Variants in TBCA observed in about 807,000 individuals in gnomAD.
TBCA encodes tubulin-specific chaperone A.
TBCA carries 6 observed loss-of-function variants against 15.8 expected under a neutral mutation model. That is an observed-to-expected ratio of 0.38 (90% confidence interval 0.21 to 0.75). TBCA has a LOEUF of 0.75. TBCA is among the 30% of genes least tolerant of loss of function. The probability of loss-of-function intolerance (pLI) is 0.46; values close to 1 mark genes in which losing one functional copy is unlikely to be tolerated. For synonymous variants in TBCA, 32 were observed against 42.3 expected (o/e 0.76, Z 0.94); for missense variants, 90 against 131.2 (o/e 0.69, Z 1.53).
intron 1 of TBCA, among the ~76,000 whole-genome samples, chr5:77,716,817 C>A (rs1490309572): frequency 6.6e-6 from 1 of 152,210 alleles, no homozygotes; most frequent in African/African-American, 2.4e-5. Context: ...TACTTGACAA[C>A]AGAATCCAGT....
chr5:77,744,490 G>A (rs1319010863), intron 1 of TBCA, among the ~76,000 whole-genome samples: 2 of 149,406 alleles, frequency 1.3e-5, no homozygotes, highest in African/African-American at 5.0e-5. Context: ...CTTAACTACA[G>A]GACTTCTCTG....
intron 2 of TBCA, among the ~76,000 whole-genome samples, chr5:77,693,968 A>T: frequency 6.6e-6 from 1 of 152,222 alleles, no homozygotes. Flanking sequence ...GGCTATTTAA[A>T]ATAAACTATT....
At chr5:77,763,894 C>G (rs539548657) in intron 1 of TBCA, among the ~76,000 whole-genome samples, 24 of 152,154 alleles carry the variant, frequency 1.6e-4, no homozygotes, top group African/African-American at 5.5e-4. Flanking sequence ...GGTATATACC[C>G]AAGAAAAACC....
At position 77,776,311 on chromosome 5, in the gene TBCA, G is replaced by A. The variant is rs904789489; in HGVS notation, c.-54C>T. On this transcript the variant is annotated 5_prime_UTR_variant, in exon 1 of 4. Transcript: ENST00000380377. ...GCGGAGAGCCGGGGTAACCGTGGAG[G>A]GCGACGCGCAGAGGCTGCGGCTATT... 5.2e-6 allele frequency: 8 copies of A among 1,551,190 alleles called. No homozygotes were observed. Among genetic ancestry groups the A allele is most frequent in the Admixed American group, 3.9e-5 (2 of 51,542 alleles).
chr5:77,743,682 C>T (rs1747102513), intron 1 of TBCA, among the ~76,000 whole-genome samples: 1 of 152,164 alleles, frequency 6.6e-6, no homozygotes, highest in South Asian at 2.1e-4. Flanking sequence ...ACAAATGTAG[C>T]AATGGGTTTC....
chr5:77,754,605 T>C (rs1015309408), intron 1 of TBCA, among the ~76,000 whole-genome samples: 3 of 152,338 alleles, frequency 2.0e-5, no homozygotes, highest in East Asian at 3.9e-4. Flanking sequence ...CCTGTGAATT[T>C]TGGGTGATTA....
At chr5:77,732,029 G>C (rs1746783903) in intron 1 of TBCA, among the ~76,000 whole-genome samples, 1 of 152,070 alleles carries the variant, frequency 6.6e-6, no homozygotes, top group African/African-American at 2.4e-5. Flanking sequence ...ACATCTCTCT[G>C]GGACGTTGCT....
At chr5:77,705,721 T>G in intron 2 of TBCA, 1 of 394,316 alleles carries the variant, frequency 2.5e-6, no homozygotes, top group Non-Finnish European at 4.5e-6. Flanking sequence ...CCAGCTACTC[T>G]GGAGGCTGAG....
chr5:77,718,280 G>C (rs1746449108), intron 1 of TBCA, among the ~76,000 whole-genome samples: 1 of 152,172 alleles, frequency 6.6e-6, no homozygotes, highest in Non-Finnish European at 1.5e-5. Context: ...GTGTTGAATA[G>C]TAAAATATCA....
At chr5:77,740,413 C>T (rs1315610269) in intron 1 of TBCA, among the ~76,000 whole-genome samples, 1 of 151,920 alleles carries the variant, frequency 6.6e-6, no homozygotes, top group East Asian at 1.9e-4. Flanking sequence ...ATGGTGGTGA[C>T]CCAGACAAGA....
chr5:77,693,869 G>T (rs1046653188), intron 2 of TBCA, among the ~76,000 whole-genome samples: 4 of 147,998 alleles, frequency 2.7e-5, no homozygotes, highest in Non-Finnish European at 6.0e-5. Flanking sequence ...CAAAGTGCAA[G>T]TTTTAGAACT....
intron 1 of TBCA, among the ~76,000 whole-genome samples, chr5:77,751,347 A>T (rs533673811): frequency 6.1e-4 from 93 of 151,686 alleles, no homozygotes; most frequent in Admixed American, 1.2e-3. Context: ...ATTTTTTAGT[A>T]AAGACAATTT....
chr5:77,760,799 G>A (rs1330652680), intron 1 of TBCA, among the ~76,000 whole-genome samples: 1 of 152,204 alleles, frequency 6.6e-6, no homozygotes, highest in Non-Finnish European at 1.5e-5. Context: ...CGCCTGCCTT[G>A]GCCTCCCAAA....
chr5:77,744,442 T>C (rs1747128608), intron 1 of TBCA, among the ~76,000 whole-genome samples: 1 of 152,006 alleles, frequency 6.6e-6, no homozygotes, highest in East Asian at 1.9e-4. Flanking sequence ...TAGAGGAAGT[T>C]TGTCATAACC....
chr5:77,747,792 T>C (rs1024077888), intron 1 of TBCA, among the ~76,000 whole-genome samples: 6 of 152,188 alleles, frequency 3.9e-5, no homozygotes, highest in Non-Finnish European at 8.8e-5. Flanking sequence ...CAGATTCGTG[T>C]TTTTGTTTAG....
chr5:77,712,656 A>G (rs1380694385), intron 1 of TBCA, among the ~76,000 whole-genome samples: 1 of 152,182 alleles, frequency 6.6e-6, no homozygotes, highest in Non-Finnish European at 1.5e-5. Flanking sequence ...AGAAGTTTTA[A>G]AAAAAGAACA....
intron 1 of TBCA, among the ~76,000 whole-genome samples, chr5:77,715,865 T>A (rs1359777239): frequency 1.3e-5 from 2 of 152,242 alleles, no homozygotes; most frequent in African/African-American, 2.4e-5. Flanking sequence ...TCCCCCTGTT[T>A]GGAGCCTCTA....
At chr5:77,770,601 A>T (rs927524629) in intron 1 of TBCA, among the ~76,000 whole-genome samples, 1 of 152,024 alleles carries the variant, frequency 6.6e-6, no homozygotes, top group Non-Finnish European at 1.5e-5. Flanking sequence ...AGAGTGTTCA[A>T]CAGTTCTGTG....
intron 1 of TBCA, among the ~76,000 whole-genome samples, chr5:77,773,295 T>A (rs1339578331): frequency 6.6e-6 from 1 of 152,206 alleles, no homozygotes; most frequent in Non-Finnish European, 1.5e-5. Context: ...ACCTTGGTCC[T>A]TTTCCTTGCA....
Sources: gnomAD v4.1 joint callset for allele counts (sites outside exome capture counted in the v4.1 genomes callset) on GRCh38, gnomAD v4.1.1 for gene constraint, MANE v1.5 for transcripts, NCBI Gene and HGNC (gene_info 2026-07-23, HGNC 2026-07-21) for gene names.